The following SLC26A5 variants were observed in gnomAD, a reference collection of about 807,000 sequenced individuals.
SLC26A5 encodes the protein prestin.
Under a neutral mutation model 81.0 loss-of-function variants are expected in SLC26A5, and 51 were observed. That is an observed-to-expected ratio of 0.63 (90% CI 0.50 to 0.80). SLC26A5 has a LOEUF of 0.80. Ranked by LOEUF, SLC26A5 falls within the 30% of genes least tolerant of loss-of-function variation. SLC26A5 has a pLI of 0.00. For synonymous variants in SLC26A5, 325 were observed against 332.8 expected, an observed-to-expected ratio of 0.98 and a Z score of 0.25; for missense variants, 771 against 905.8, an observed-to-expected ratio of 0.85 and a Z score of 1.91.
At chr7:103,422,928 A>G (rs551728789) in intron 2 of SLC26A5, among the ~76,000 whole-genome samples, 8 of 152,184 alleles carry the variant, frequency 5.3e-5, no homozygotes, top group East Asian at 1.9e-4. Flanking sequence ...ACTCCTTCAC[A>G]GTGAAAACTC....
chr7:103,444,967 T>A (rs1008359773), intron 1 of SLC26A5, among the ~76,000 whole-genome samples: 2 of 152,238 alleles, frequency 1.3e-5, no homozygotes, highest in Admixed American at 1.3e-4. Context: ...TACTTCGTAT[T>A]GCATACTCCG....
intron 9 of SLC26A5, among the ~76,000 whole-genome samples, chr7:103,393,398 T>C (rs1013050357): frequency 2.0e-5 from 3 of 151,980 alleles, no homozygotes; most frequent in Non-Finnish European, 4.4e-5. Flanking sequence ...GAAGCGAGGG[T>C]CAGCAAAGTG....
intron 2 of SLC26A5, among the ~76,000 whole-genome samples, chr7:103,439,926 T>C (rs181494525): frequency 4.7e-4 from 71 of 152,304 alleles, no homozygotes; most frequent in Middle Eastern, 3.4e-3. Flanking sequence ...ACTCGTAACT[T>C]CCTCCTTCAC....
intron 8 of SLC26A5, among the ~76,000 whole-genome samples, chr7:103,406,001 G>A (rs1201278453): frequency 6.6e-6 from 1 of 152,194 alleles, no homozygotes; most frequent in Non-Finnish European, 1.5e-5. Context: ...GCCTACTGAA[G>A]CCTCAGTAAT....
chr7:103,360,310 T>G, intron 19 of SLC26A5, among the ~76,000 whole-genome samples: 1 of 152,208 alleles, frequency 6.6e-6, no homozygotes, highest in Non-Finnish European at 1.5e-5. Context: ...GGGTTTGGTA[T>G]TATTGCTGTT....
At chr7:103,434,406 T>C (rs1826299244) in intron 2 of SLC26A5, among the ~76,000 whole-genome samples, 1 of 152,334 alleles carries the variant, frequency 6.6e-6, no homozygotes, top group Middle Eastern at 3.4e-3. Flanking sequence ...GGAAATTTTG[T>C]AACAATTGTA....
At chr7:103,415,183 T>C (rs1824807114) in intron 4 of SLC26A5, among the ~76,000 whole-genome samples, 1 of 152,178 alleles carries the variant, frequency 6.6e-6, no homozygotes, top group Admixed American at 6.5e-5. Flanking sequence ...GCATCCTAAC[T>C]TCATGTATAA....
At chr7:103,431,328 T>TC (rs1402022435) in intron 2 of SLC26A5, among the ~76,000 whole-genome samples, 3 of 151,838 alleles carry the variant, frequency 2.0e-5, no homozygotes, top group African/African-American at 7.3e-5. Context: ...TCTTTCTTTT[T>TC]TTTTTTCCTT....
intron 8 of SLC26A5, among the ~76,000 whole-genome samples, chr7:103,402,627 T>C (rs760087469): frequency 4.6e-5 from 7 of 152,036 alleles, no homozygotes; most frequent in Admixed American, 2.0e-4. Context: ...TCTTGATCTC[T>C]TGACTTTCTG....
chr7:103,407,846 C>T lies in SLC26A5; in HGVS notation c.888+5G>A. ...CGAGTAGGTCACTGACCGAAGGTGACTTACCGCAAAGAACTCTAAAGGAAT... is the reference window on the plus strand; with the variant it reads ...CGAGTAGGTCACTGACCGAAGGTGATTTACCGCAAAGAACTCTAAAGGAAT... On this transcript the variant is annotated splice_donor_5th_base_variant and intron_variant, in intron 8 of 19. Coordinates refer to ENST00000306312, the MANE Select transcript of SLC26A5 (RefSeq NM_198999.3). 3.1e-6 allele frequency: 5 copies of T among 1,613,996 alleles called. No individual in the cohort carries two copies. The highest frequency in any genetic ancestry group is 4.2e-6 in the Non-Finnish European group (5 of 1,179,966).
In SLC26A5 at chr7:103,378,459, G is replaced by A; in HGVS notation, c.1772C>T (p.Thr591Ile). ...EVGNANMANA[T>I]VVKADAEVDG... ...AAGACCACTCACTGCTTTGACAACA[G>A]TTGCGTTGGCCATATTTGCATTTCC... Residue 591 changes from threonine to isoleucine, a missense_variant, in exon 17 of 20, where the codon ACT becomes ATT. By Grantham distance (89) the Thr-to-Ile change is moderately conservative. Transcript: ENST00000306312. 1 of 1,614,102 alleles carries A rather than the reference G, an allele frequency of 6.2e-7. No individual in the cohort carries two copies. The highest frequency in any genetic ancestry group is 8.5e-7 in the Non-Finnish European group (1 of 1,179,944).
chr7:103,417,402 T>C (rs1414546889), intron 4 of SLC26A5, among the ~76,000 whole-genome samples: 1 of 147,880 alleles, frequency 6.8e-6, no homozygotes, highest in Non-Finnish European at 1.5e-5. Context: ...AAAATAGAAA[T>C]AATTTATTGT....
chr7:103,362,983 G>C (rs1486762016), intron 19 of SLC26A5, among the ~76,000 whole-genome samples: 1 of 151,888 alleles, frequency 6.6e-6, no homozygotes, highest in African/African-American at 2.4e-5. Flanking sequence ...TAGTAGAGAC[G>C]GTGTTTCACC....
At chr7:103,437,624 AT>A (rs1826548933) in intron 2 of SLC26A5, among the ~76,000 whole-genome samples, 1 of 152,226 alleles carries the variant, frequency 6.6e-6, no homozygotes, top group African/African-American at 2.4e-5. Flanking sequence ...AAATCATGTT[AT>A]TTGTGATAAT....
chr7:103,383,340 T>C (rs1026763462), intron 14 of SLC26A5, among the ~76,000 whole-genome samples: 6 of 152,200 alleles, frequency 3.9e-5, no homozygotes, highest in African/African-American at 1.4e-4. Flanking sequence ...TAGAGCATTG[T>C]TGTGGGTACA....
intron 2 of SLC26A5, among the ~76,000 whole-genome samples, chr7:103,442,389 C>G (rs116366037): frequency 2.0e-5 from 3 of 152,134 alleles, no homozygotes; most frequent in African/African-American, 7.2e-5. Context: ...ACACCCTCCT[C>G]GGTCTCCCAA....
chr7:103,437,664 T>C (rs1404628757), intron 2 of SLC26A5, among the ~76,000 whole-genome samples: 1 of 152,162 alleles, frequency 6.6e-6, no homozygotes, highest in Admixed American at 6.5e-5. Context: ...TATGATGCTA[T>C]GTGAAAAAAG....
intron 8 of SLC26A5, among the ~76,000 whole-genome samples, chr7:103,404,944 A>G (rs1211781714): frequency 3.3e-5 from 5 of 151,672 alleles, no homozygotes; most frequent in Admixed American, 2.6e-4. Flanking sequence ...TTGATCTTCA[A>G]TCTCTGATAC....
intron 2 of SLC26A5, among the ~76,000 whole-genome samples, chr7:103,429,629 T>C: frequency 6.6e-6 from 1 of 152,214 alleles, no homozygotes; most frequent in Admixed American, 6.5e-5. Flanking sequence ...ATTATCTATC[T>C]GTTTTCCCTT....
Sources: allele counts gnomAD v4.1 joint callset (sites outside exome capture counted in the v4.1 genomes callset), GRCh38; gene constraint gnomAD v4.1.1; transcripts MANE v1.5; gene names NCBI Gene and HGNC (gene_info 2026-07-23, HGNC 2026-07-21).